The following RNF128 variants were observed in gnomAD, a reference collection of about 807,000 sequenced individuals.
RNF128 encodes ring finger protein 128.
A neutral mutation model predicts 26.2 loss-of-function variants in RNF128; 13 were observed. That is an observed-to-expected ratio of 0.50 (90% CI 0.32 to 0.79). RNF128 has a LOEUF of 0.79. RNF128 is among the 30% of genes least tolerant of loss of function. RNF128 has a pLI of 0.03. For synonymous variants in RNF128, 149 were observed against 142.5 expected, an observed-to-expected ratio of 1.05 and a Z score of -0.32; for missense variants, 315 against 349.7, an observed-to-expected ratio of 0.90 and a Z score of 0.79.
chrX:106,773,059 G>A lies in RNF128; in HGVS notation c.631G>A (p.Val211Ile), dbSNP rs150778368. The change falls in exon 2 of 7, where the codon GTT (valine) becomes ATT (isoleucine). Residue 211 changes from valine to isoleucine, a missense_variant. Val to Ile is a conservative substitution (Grantham distance 29). Transcript: ENST00000255499. ...GGTGAATCACTATTCAATTTTTTTC[G>A]TTTCTGTGTCCTTTTTTATTATTAC... ...PWVNHYSIFF[V>I]SVSFFIITAA... 1.7e-4 allele frequency: 205 copies of A among 1,208,617 alleles called. 2 individuals are homozygous for A. The East Asian group carries it at 3.5e-3, about 20-fold the overall frequency.
chrX:106,695,783 A>G (rs771285482), intron 1 of RNF128, among the ~76,000 whole-genome samples: 1 of 111,960 alleles, frequency 8.9e-6, no homozygotes, highest in Non-Finnish European at 1.9e-5. Context: ...GAGATCCTGA[A>G]TACTCTGGGT....
intron 1 of RNF128, 39 bp downstream of exon 1, chrX:106,727,436 G>A: frequency 8.4e-7 from 1 of 1,195,144 alleles, no homozygotes; most frequent in Non-Finnish European, 1.1e-6. Context: ...CCAGACCTCT[G>A]CCATGGCCAG....
chrX:106,735,963 T>G (rs373330951), intron 1 of RNF128, among the ~76,000 whole-genome samples: 1 of 107,152 alleles, frequency 9.3e-6, no homozygotes, highest in African/African-American at 3.5e-5. Flanking sequence ...TGTATTTTTG[T>G]TTTTTTTTCC....
intron 1 of RNF128, among the ~76,000 whole-genome samples, chrX:106,708,789 CAG>C (rs1929082158): frequency 8.9e-6 from 1 of 111,741 alleles, no homozygotes; most frequent in African/African-American, 3.2e-5. Flanking sequence ...GCCTACCTGA[CAG>C]AAGTTTTCTT....
Position 106,714,412 on chromosome X carries a change from G to A in RNF128, c.406+20004G>A, listed in dbSNP as rs374100716. On this transcript the variant is annotated intron_variant, in intron 1 of 6. Transcript: ENST00000324342. ...AAACTTTTTATTTTTTAAAAATGTA[G>A]ATTTACATGCAGTTGTAAGAAATAG... 2.0e-3 allele frequency among the ~76,000 whole-genome samples: 218 copies of A among 111,061 alleles called. 2 individuals carry two copies. Among genetic ancestry groups the A allele is most frequent in the African/African-American group, 6.8e-3 (207 of 30,577 alleles).
intron 1 of RNF128, among the ~76,000 whole-genome samples, chrX:106,713,279 C>A: frequency 9.1e-6 from 1 of 109,869 alleles, no homozygotes; most frequent in East Asian, 2.9e-4. Flanking sequence ...GAAGCCAAGG[C>A]GGGTGGATTG....
At chrX:106,727,521 C>A in intron 1 of RNF128, 124 bp downstream of exon 1, 1 of 917,614 alleles carries the variant, frequency 1.1e-6, no homozygotes. Context: ...CTTTCTGTCC[C>A]CACGGAGTGG....
intron 2 of RNF128, among the ~76,000 whole-genome samples, chrX:106,784,442 C>T (rs951605080): frequency 1.8e-5 from 2 of 111,848 alleles, no homozygotes; most frequent in Non-Finnish European, 3.8e-5. Flanking sequence ...TAGATATATG[C>T]TCAGTGAAAC....
At chrX:106,700,521 TTGAAA>T (rs1288427292) in intron 1 of RNF128, among the ~76,000 whole-genome samples, 11 of 108,913 alleles carry the variant, frequency 1.0e-4, no homozygotes, top group Admixed American at 9.6e-4. Context: ...GATGGACAAG[TTGAAA>T]TGAAGTTTGG....
At chrX:106,704,361 A>T (rs1308229539) in intron 1 of RNF128, among the ~76,000 whole-genome samples, 1 of 98,275 alleles carries the variant, frequency 1.0e-5, no homozygotes, top group African/African-American at 3.8e-5. Context: ...TGAACCCGGG[A>T]GGCGGAGCTT....
chrX:106,727,683 T>G (rs760547497), intron 1 of RNF128, among the ~76,000 whole-genome samples: 1 of 111,430 alleles, frequency 9.0e-6, no homozygotes, highest in African/African-American at 3.3e-5. Flanking sequence ...TTTTCCTGGT[T>G]TTTCACAAGG....
At chrX:106,771,181 C>T (rs747530518) in intron 1 of RNF128, among the ~76,000 whole-genome samples, 1 of 112,742 alleles carries the variant, frequency 8.9e-6, no homozygotes, top group East Asian at 2.8e-4. Context: ...GAAGTGTCTC[C>T]TAGTTAGGCT....
chrX:106,712,794 C>A (rs1381777947), intron 1 of RNF128, among the ~76,000 whole-genome samples: 18 of 110,930 alleles, frequency 1.6e-4, no homozygotes, highest in Non-Finnish European at 3.2e-4. Flanking sequence ...GAACATTCCA[C>A]TTTTAGCCAG....
At chrX:106,743,246 C>G (rs746304709) in intron 1 of RNF128, among the ~76,000 whole-genome samples, 3 of 112,329 alleles carry the variant, frequency 2.7e-5, no homozygotes, top group Non-Finnish European at 1.9e-5. Flanking sequence ...AAGCAAAAAT[C>G]AGAATTTTGA....
rs757038390 is a variant in RNF128 at position 106,694,025 on chromosome X, GT to G, written c.31del (p.Trp11GlyfsTer4). 27 of 1,191,624 alleles carry G rather than the reference GT, an allele frequency of 2.3e-5. No individual in the cohort carries two copies. The highest frequency in any genetic ancestry group is 7.8e-5 in the South Asian group (4 of 51,489). ...GCAATGAACCAGGAGAATAGGTCCA[GT>G]TTTTTTTGGCTCCTTGTAATTTTTA... On this transcript the variant is annotated frameshift_variant, in exon 1 of 7. Coordinates refer to the RNF128 transcript ENST00000324342. LOFTEE classifies it high-confidence loss of function.
intron 2 of RNF128, among the ~76,000 whole-genome samples, chrX:106,780,754 G>A (rs1930552843): frequency 1.8e-5 from 2 of 112,185 alleles, no homozygotes; most frequent in Non-Finnish European, 3.8e-5. Flanking sequence ...TGGAGGCAGT[G>A]TACAATAGTG....
intron 1 of RNF128, among the ~76,000 whole-genome samples, chrX:106,728,907 G>A (rs1453825348): frequency 1.8e-5 from 2 of 111,612 alleles, no homozygotes; most frequent in Admixed American, 9.5e-5. Flanking sequence ...TATCTCTCTT[G>A]GCCGATAATT....
upstream of RNF128, among the ~76,000 whole-genome samples, chrX:106,724,089 C>T (rs1372744200): frequency 9.0e-6 from 1 of 111,228 alleles, no homozygotes; most frequent in Non-Finnish European, 1.9e-5. Flanking sequence ...CTCATCTCTC[C>T]TTCTACCCAT....
intron 2 of RNF128, among the ~76,000 whole-genome samples, chrX:106,782,305 T>C (rs1340948257): frequency 8.9e-6 from 1 of 112,455 alleles, no homozygotes; most frequent in Non-Finnish European, 1.9e-5. Context: ...TTGCTGGCTC[T>C]ATTTTTTTAT....
Sources: allele counts gnomAD v4.1 joint callset (sites outside exome capture counted in the v4.1 genomes callset), GRCh38; gene constraint gnomAD v4.1.1; transcripts MANE v1.5; gene names NCBI Gene and HGNC (gene_info 2026-07-23, HGNC 2026-07-21).